The following FBLN1 variants were observed in gnomAD, a reference collection of about 807,000 sequenced individuals.
FBLN1 encodes the protein fibulin-1.
FBLN1 carries 34 observed loss-of-function variants against 89.7 expected under a neutral mutation model. The ratio of observed to expected loss-of-function variants is 0.38; its 90% CI spans 0.29 to 0.50. The LOEUF (loss-of-function observed/expected upper bound fraction) is 0.50. FBLN1 is among the 20% of genes least tolerant of loss of function. FBLN1 has a pLI of 0.92. For synonymous variants in FBLN1, 393 were observed against 391.3 expected (o/e 1.00, Z -0.05); for missense variants, 777 against 988.1 (o/e 0.79, Z 2.86).
Position 45,533,688 on chromosome 22 carries a change from A to T in FBLN1, c.647-73A>T. 3 of 1,577,426 alleles carry T rather than the reference A, an allele frequency of 1.9e-6. No individual in the cohort carries two copies. The Admixed American group carries it at 5.0e-5, about 26-fold the overall frequency. On this transcript the variant is annotated intron_variant, in intron 6 of 16. Coordinates refer to ENST00000327858, the MANE Select transcript of FBLN1 (RefSeq NM_006486.3). ...GAAGCACTTCCACCGTGGCTTTGGC[A>T]CATTCCTTTCTAGGATGTATTAGGA...
chr22:45,539,733 A>G (rs952463106), intron 8 of FBLN1, among the ~76,000 whole-genome samples: 6 of 152,166 alleles, frequency 3.9e-5, no homozygotes, highest in African/African-American at 1.4e-4. Context: ...TATGCTTTAC[A>G]TTGATTTGCT....
At chr22:45,535,618 A>C in intron 8 of FBLN1, 1 of 396,840 alleles carries the variant, frequency 2.5e-6, no homozygotes, top group Admixed American at 4.1e-5. Context: ...CTTTATTTAC[A>C]AAAATAGGCA....
intron 14 of FBLN1, among the ~76,000 whole-genome samples, chr22:45,552,910 T>C (rs2088723519): frequency 6.6e-6 from 1 of 152,220 alleles, no homozygotes; most frequent in Non-Finnish European, 1.5e-5. Context: ...ACATCCTCTT[T>C]ATCCCCTCAG....
Position 45,576,810 on chromosome 22 carries a change from C to A in FBLN1, c.1841-167C>A, listed in dbSNP as rs571001632. ...GGGCTATGATATAGGAAGGTCCAGA[C>A]CCCTCCACCCTCCCCACACAGGGGA... On this transcript the variant is annotated intron_variant, in intron 15 of 16. Coordinates refer to ENST00000327858, the MANE Select transcript of FBLN1 (RefSeq NM_006486.3). The surrounding 1 kb of genome is among the most constrained non-coding windows in gnomAD (Gnocchi z 5.2). Among the ~76,000 whole-genome samples, 2 of 152,296 alleles carry A rather than the reference C, an allele frequency of 1.3e-5. No individual in the cohort carries two copies. The highest frequency in any genetic ancestry group is 4.1e-4 in the South Asian group (2 of 4,824).
chr22:45,538,626 A>G (rs566168619), intron 8 of FBLN1, among the ~76,000 whole-genome samples: 1 of 152,344 alleles, frequency 6.6e-6, no homozygotes, highest in African/African-American at 2.4e-5. Context: ...GATAGAAGGT[A>G]GTTTCAGGCC....
At chr22:45,569,116 T>G (rs1427713413) in intron 14 of FBLN1, among the ~76,000 whole-genome samples, 1 of 152,202 alleles carries the variant, frequency 6.6e-6, no homozygotes, top group Non-Finnish European at 1.5e-5. Context: ...TCTGAGGTAC[T>G]GGGGATGGAA....
At position 45,588,813 on chromosome 22, in the gene FBLN1, C is replaced by CAAA. The variant is rs10714602; in HGVS notation, c.1973-11481_1973-11479dup. Among the ~76,000 whole-genome samples the CAAA allele has an allele frequency of 2.9e-3, 407 of 138,778 alleles. 1 individual carries two copies. The highest frequency in any genetic ancestry group is 0.02 in the Middle Eastern group (5 of 254). 91.0% of individuals were successfully genotyped at this position (138,778 alleles called of 152,430 possible). ...GTAGAGGCATGTTGTGCAAAATTAGCAAAAAAAAAAAAAAAGGAATGACGA... is the reference window on the plus strand; with the variant it reads ...GTAGAGGCATGTTGTGCAAAATTAGCAAAAAAAAAAAAAAAAAAGGAATGACGA... On this transcript the variant is annotated intron_variant, in intron 16 of 16. Coordinates refer to ENST00000327858, the MANE Select transcript of FBLN1 (RefSeq NM_006486.3). The surrounding 1 kb of genome is among the most constrained non-coding windows in gnomAD (Gnocchi z 5.1).
rs2088980739 is a variant in FBLN1 at position 45,574,781 on chromosome 22, T to TC, written c.1840+128_1840+129insC. 9 of 640,718 alleles carry TC rather than the reference T, an allele frequency of 1.4e-5. No homozygotes were observed. Among genetic ancestry groups the TC allele is most frequent in the East Asian group, 1.0e-4 (3 of 30,066 alleles). The allele number at this position is 640,718 out of a possible 1,614,324, so 39.7% of individuals were successfully genotyped here. ...GGCTTTGAAATGCAGAACTTTCTTT[T>TC]TTTTTTTTTTTTTTTTTTGAGACGG... On this transcript the variant is annotated intron_variant, in intron 15 of 16. Transcript: ENST00000327858. The surrounding 1 kb of genome is among the most constrained non-coding windows in gnomAD (Gnocchi z 4.1).
rs764230125 is a variant in FBLN1 at position 45,518,769 on chromosome 22, C to T, written c.167C>T (p.Thr56Met). 2.4e-5 allele frequency: 39 copies of T among 1,611,012 alleles called. No individual in the cohort carries two copies. The East Asian group carries it at 2.5e-4, about 10-fold the overall frequency. Reference sequence around the variant, plus strand: ...AAGGACTGCTCGCTGCCATATGCTACGGAATCCAAAGAATGCAGGTACGTT... The same window carrying T: ...AAGGACTGCTCGCTGCCATATGCTATGGAATCCAAAGAATGCAGGTACGTT... ...HQKDCSLPYATESKECRMVQE... is the reference protein window; with the variant it reads ...HQKDCSLPYAMESKECRMVQE... The change falls in exon 2 of 17, where the codon ACG (threonine) becomes ATG (methionine). Residue 56 changes from threonine (T) to methionine (M), a missense_variant. By Grantham distance (81) the Thr-to-Met change is moderately conservative (BLOSUM62 -1). Transcript: ENST00000327858.
At chr22:45,570,690 C>G (rs562029359) in intron 14 of FBLN1, among the ~76,000 whole-genome samples, 1 of 152,266 alleles carries the variant, frequency 6.6e-6, no homozygotes, top group African/African-American at 2.4e-5. Flanking sequence ...AAGTACTATA[C>G]ATGATCTCAA....
chr22:45,574,516 A>G lies in FBLN1; in HGVS notation c.1703A>G (p.Gln568Arg), dbSNP rs575972090. 9 of 1,614,152 alleles carry G rather than the reference A, an allele frequency of 5.6e-6. No individual in the cohort carries two copies. The Admixed American group carries it at 1.0e-4, about 18-fold the overall frequency. Residue 568 changes from glutamine (Q) to arginine (R), a missense_variant, in exon 15 of 17, where the codon CAG becomes CGG. Gln to Arg is a conservative substitution (Grantham distance 43). Coordinates refer to ENST00000327858, the MANE Select transcript of FBLN1 (RefSeq NM_006486.3). The surrounding 1 kb of genome is among the most constrained non-coding windows in gnomAD (Gnocchi z 4.1). ...ENYRRSAATL[Q>R]QEKTDTVRCI... ...TGTGCTGTGGTTCCCCTCAGGCTCC[A>G]GCAGGAGAAGACAGACACGGTCCGC...
intron 14 of FBLN1, among the ~76,000 whole-genome samples, chr22:45,564,107 C>T (rs1379832170): frequency 2.0e-5 from 3 of 152,188 alleles, no homozygotes; most frequent in Non-Finnish European, 4.4e-5. Flanking sequence ...CAAGATCACA[C>T]AGCTGGTATC....
intron 1 of FBLN1, among the ~76,000 whole-genome samples, chr22:45,510,291 G>A (rs534806653): frequency 1.3e-5 from 2 of 152,260 alleles, no homozygotes; most frequent in East Asian, 3.9e-4. Flanking sequence ...CCTGGATCCT[G>A]CTTTGCTTTC....
intron 16 of FBLN1, among the ~76,000 whole-genome samples, chr22:45,585,148 T>C (rs2089073793): frequency 6.6e-6 from 1 of 152,234 alleles, no homozygotes; most frequent in Non-Finnish European, 1.5e-5. Flanking sequence ...AGGGCTGCTA[T>C]GTACAGTTGG....
chr22:45,598,858 G>T (rs927583254), intron 16 of FBLN1, among the ~76,000 whole-genome samples: 1 of 152,252 alleles, frequency 6.6e-6, no homozygotes, highest in Non-Finnish European at 1.5e-5. Flanking sequence ...GAGCACAGGG[G>T]CATGGCACCG....
At chr22:45,571,111 C>CAAAAAAAAAGA (rs2088949646) in intron 14 of FBLN1, among the ~76,000 whole-genome samples, 1 of 70,862 alleles carries the variant, frequency 1.4e-5, no homozygotes, top group African/African-American at 5.9e-5. Flanking sequence ...ACAAGAGTCT[C>CAAAAAAAAAGA]AAAAAAAAAA....
In FBLN1 at chr22:45,600,718, G is replaced by T; in HGVS notation, c.*272G>T. ...GTGTCACCCCCTTTCTCTGCCTCTG[G>T]CTGGGCCTTGCTAAGGGCCAAGGAA... On this transcript the variant is annotated 3_prime_UTR_variant, in exon 17 of 17. Coordinates refer to ENST00000327858, the MANE Select transcript of FBLN1 (RefSeq NM_006486.3). 1 of 496,414 alleles carries T rather than the reference G, an allele frequency of 2.0e-6. No individual in the cohort carries two copies. The highest frequency in any genetic ancestry group is 3.7e-6 in the Non-Finnish European group (1 of 272,146). The allele number at this position is 496,414 out of a possible 1,614,324, so 30.8% of individuals were successfully genotyped here. A position where few individuals can be genotyped will look rare whatever the true frequency, so the allele number is the denominator to read the frequency against.
At chr22:45,534,297 A>AC (rs2088453924) in intron 7 of FBLN1, among the ~76,000 whole-genome samples, 1 of 82,530 alleles carries the variant, frequency 1.2e-5, no homozygotes, top group Admixed American at 1.3e-4. Flanking sequence ...TTCTACAAAA[A>AC]AAAAAAAAAA....
intron 14 of FBLN1, among the ~76,000 whole-genome samples, chr22:45,559,021 G>C (rs552510483): frequency 4.9e-4 from 74 of 152,334 alleles, no homozygotes; most frequent in Middle Eastern, 3.4e-3. Flanking sequence ...ATAAGATTAT[G>C]ACATGAATAA....
Sources: gnomAD v4.1 joint callset for allele counts (sites outside exome capture counted in the v4.1 genomes callset) on GRCh38, gnomAD v4.1.1 for gene constraint, Gnocchi (gnomAD v3.1) non-coding constraint, MANE v1.5 for transcripts, NCBI Gene and HGNC (gene_info 2026-07-23, HGNC 2026-07-21) for gene names.